The following MLLT10 variants were observed in gnomAD, a reference collection of about 807,000 sequenced individuals.
The protein encoded by MLLT10 is protein AF-10.
A neutral mutation model predicts 129.1 loss-of-function variants in MLLT10; 30 were observed. The observed-to-expected ratio is 0.23, with a 90% CI of 0.17 to 0.32. The LOEUF (loss-of-function observed/expected upper bound fraction) is 0.32, where lower values mean the gene tolerates loss of function less well. Ranked by LOEUF, MLLT10 falls within the 10% of genes least tolerant of loss-of-function variation. The pLI is 1.00. For missense variants in MLLT10, 1,119 were observed against 1,268.3 expected (o/e 0.88, Z 1.79); for synonymous variants, 490 against 446.4 (o/e 1.10, Z -1.23).
chr10:21,710,533 T>C (rs2055975388), intron 13 of MLLT10, among the ~76,000 whole-genome samples: 1 of 152,236 alleles, frequency 6.6e-6, no homozygotes, highest in Admixed American at 6.5e-5. Flanking sequence ...TAAGTATTTT[T>C]AGTTTGCAGG....
chr10:21,543,969 T>A (rs1052458045), intron 3 of MLLT10, among the ~76,000 whole-genome samples: 2 of 152,240 alleles, frequency 1.3e-5, no homozygotes, highest in African/African-American at 4.8e-5. Flanking sequence ...TTCTTTTCTT[T>A]CTGCCGACTT....
In MLLT10 at chr10:21,681,268, CT is replaced by C. The variant is rs34851133; in HGVS notation, c.1622-57del. The C allele has an allele frequency of 4.4e-6, 7 of 1,600,232 alleles. No individual in the cohort carries two copies. The Admixed American group carries it at 5.2e-5, about 12-fold the overall frequency. ...TTCCCTCCATTTTTCTGGCCTATCT[CT>C]TTTTTTACCCTTGAGTCACTGGCAA... On this transcript the variant is annotated intron_variant, in intron 11 of 22. Transcript: ENST00000307729.
At chr10:21,567,022 A>AGGCT (rs2039661466) in intron 3 of MLLT10, among the ~76,000 whole-genome samples, 1 of 152,198 alleles carries the variant, frequency 6.6e-6, no homozygotes, top group African/African-American at 2.4e-5. Flanking sequence ...CATGTTGGTC[A>AGGCT]GGCTGTTCTC....
chr10:21,713,772 G>T lies in MLLT10; in HGVS notation c.1700G>T (p.Gly567Val). The T allele has an allele frequency of 1.2e-6, 2 of 1,600,008 alleles. No individual in the cohort carries two copies. The highest frequency in any genetic ancestry group is 1.7e-6 in the Non-Finnish European group (2 of 1,173,842). ...TTAAATAACATTTGTTTTTTTGCAGGTATTTATAACAGCAATGATGTAGCA... is the reference window on the plus strand; with the variant it reads ...TTAAATAACATTTGTTTTTTTGCAGTTATTTATAACAGCAATGATGTAGCA... ...FSELLNAIHN[G>V]IYNSNDVAVS... The change falls in exon 14 of 23, where the codon GGT becomes GTT. Residue 567 changes from glycine to valine, a missense_variant and splice_region_variant. Coordinates refer to ENST00000307729, the MANE Select transcript of MLLT10 (RefSeq NM_001195626.3).
chr10:21,703,106 G>A (rs556052319), intron 13 of MLLT10, among the ~76,000 whole-genome samples: 3 of 152,030 alleles, frequency 2.0e-5, no homozygotes, highest in Non-Finnish European at 4.4e-5. Flanking sequence ...TTGTACTTTT[G>A]TATGTTTTCA....
chr10:21,676,970 A>G (rs993896851), intron 11 of MLLT10, among the ~76,000 whole-genome samples: 1 of 152,192 alleles, frequency 6.6e-6, no homozygotes, highest in Non-Finnish European at 1.5e-5. Context: ...AAGAATTGCT[A>G]ACTGCTGATG....
chr10:21,594,541 G>C (rs1259636976), intron 4 of MLLT10, among the ~76,000 whole-genome samples: 1 of 110,530 alleles, frequency 9.0e-6, no homozygotes, highest in Non-Finnish European at 1.7e-5. Context: ...CAACAAGAGC[G>C]AAACTCTGTC....
intron 8 of MLLT10, among the ~76,000 whole-genome samples, chr10:21,632,858 C>G (rs2047125663): frequency 6.6e-6 from 1 of 151,950 alleles, no homozygotes; most frequent in Admixed American, 6.6e-5. Flanking sequence ...ATTTTATGTG[C>G]CACTAAGAAA....
Position 21,735,370 on chromosome 10 carries a change from G to GTACA in MLLT10, c.2955+136_2955+139dup, listed in dbSNP as rs570564813. The GTACA allele has an allele frequency of 2.0e-3, 1,430 of 705,220 alleles. 42 individuals carry two copies. In the East Asian group the frequency reaches 0.038, roughly 19 times the overall value. 43.7% of individuals were successfully genotyped at this position (705,220 alleles called of 1,614,324 possible). ...TCAAAAAAGTTTTTCTTGCCATGTG[G>GTACA]TACAGGCTGTGATACCTGCAGTGAT... On this transcript the variant is annotated intron_variant, in intron 21 of 22. Transcript: ENST00000307729.
intron 13 of MLLT10, among the ~76,000 whole-genome samples, chr10:21,698,531 T>A (rs1453394818): frequency 6.6e-6 from 1 of 152,232 alleles, no homozygotes; most frequent in Non-Finnish European, 1.5e-5. Context: ...ATGATAAATA[T>A]GTGAGTGCAG....
chr10:21,741,829 AAAGG>A (rs1279388186), intron 22 of MLLT10, 106 bp from the exon 23 acceptor site: 2 of 1,164,086 alleles, frequency 1.7e-6, no homozygotes, highest in African/African-American at 3.1e-5. Context: ...TTGCAAGAAA[AAAGG>A]GAGTAACTTT....
chr10:21,688,018 T>C (rs552569897), intron 13 of MLLT10, among the ~76,000 whole-genome samples: 36 of 152,360 alleles, frequency 2.4e-4, no homozygotes, highest in East Asian at 3.9e-4. Flanking sequence ...TCTTGGTTCC[T>C]TGAAGATAGG....
At chr10:21,650,752 G>A (rs1564577867) in intron 8 of MLLT10, among the ~76,000 whole-genome samples, 1 of 152,088 alleles carries the variant, frequency 6.6e-6, no homozygotes, top group Non-Finnish European at 1.5e-5. Context: ...CTTCCAATAT[G>A]TAATTAATTT....
intron 4 of MLLT10, among the ~76,000 whole-genome samples, chr10:21,588,643 A>G (rs1336334636): frequency 6.6e-6 from 1 of 152,074 alleles, no homozygotes; most frequent in Non-Finnish European, 1.5e-5. Context: ...AGTTTTACCA[A>G]TATATGAATA....
At chr10:21,539,394 G>T (rs1041335279) in intron 3 of MLLT10, among the ~76,000 whole-genome samples, 1 of 150,616 alleles carries the variant, frequency 6.6e-6, no homozygotes, top group Non-Finnish European at 1.5e-5. Context: ...AGTCCCTTTG[G>T]CAAACCAACA....
At chr10:21,662,243 C>G (rs373786006) in intron 9 of MLLT10, among the ~76,000 whole-genome samples, 1 of 152,086 alleles carries the variant, frequency 6.6e-6, no homozygotes. Flanking sequence ...TCTTTGATAG[C>G]TGGTTTGGCT....
At chr10:21,649,424 G>T (rs764431489) in intron 8 of MLLT10, among the ~76,000 whole-genome samples, 2 of 152,156 alleles carry the variant, frequency 1.3e-5, no homozygotes, top group Admixed American at 1.3e-4. Flanking sequence ...TGACCCAATC[G>T]TGTATTCTAG....
At chr10:21,709,721 A>G (rs556070203) in intron 13 of MLLT10, among the ~76,000 whole-genome samples, 5 of 152,206 alleles carry the variant, frequency 3.3e-5, no homozygotes, top group Non-Finnish European at 5.9e-5. Flanking sequence ...CTCTTAGCCA[A>G]ACTTGTTTCT....
chr10:21,685,457 C>T (rs1042958250), intron 13 of MLLT10, among the ~76,000 whole-genome samples: 1 of 152,128 alleles, frequency 6.6e-6, no homozygotes, highest in Non-Finnish European at 1.5e-5. Context: ...GCCTCAGCCT[C>T]CCGAGTAGCT....
Sources: gnomAD v4.1 joint callset for allele counts (sites outside exome capture counted in the v4.1 genomes callset) on GRCh38, gnomAD v4.1.1 for gene constraint, MANE v1.5 for transcripts, NCBI Gene and HGNC (gene_info 2026-07-23, HGNC 2026-07-21) for gene names.